KIF13B: variants seen among roughly 807,000 people sequenced by gnomAD.
KIF13B encodes kinesin-like protein KIF13B.
In KIF13B, 127 loss-of-function variants were observed where a neutral mutation model predicts 222.0. That is an observed-to-expected ratio of 0.57 (90% CI 0.50 to 0.66). The LOEUF (loss-of-function observed/expected upper bound fraction) is 0.66. KIF13B is among the 30% of genes least tolerant of loss of function. The pLI is 0.00. For synonymous variants in KIF13B, 976 were observed against 919.0 expected, an observed-to-expected ratio of 1.06 and a Z score of -1.12; for missense variants, 2,173 against 2,379.0, an observed-to-expected ratio of 0.91 and a Z score of 1.80.
chr8:29,215,333 G>A (rs1450592691), intron 2 of KIF13B, among the ~76,000 whole-genome samples: 1 of 152,118 alleles, frequency 6.6e-6, no homozygotes, highest in East Asian at 1.9e-4. Context: ...AACTGTCTTA[G>A]AGAAGAAAAA....
chr8:29,234,118 T>C (rs2925210), intron 2 of KIF13B, among the ~76,000 whole-genome samples: 34,323 of 151,946 alleles, frequency 0.23, 4,202 homozygotes, highest in African/African-American at 0.31. Context: ...AGTGCAGAGA[T>C]TGATGGTCTT....
Position 29,072,080 on chromosome 8 carries a change from C to G in KIF13B, c.4758G>C (p.Leu1586=), listed in dbSNP as rs1253504130. 3.7e-6 allele frequency: 5 copies of G among 1,333,612 alleles called. No homozygotes were observed. The highest frequency in any genetic ancestry group is 3.8e-6 in the Non-Finnish European group (4 of 1,040,218). 82.6% of individuals were successfully genotyped at this position (1,333,612 alleles called of 1,614,324 possible). The change falls in exon 39 of 40, where the codon CTG becomes CTC. Residue 1586 remains leucine, a synonymous_variant. Transcript: ENST00000524189. ...ATLSDALGPG[L]DAAAPPGSMP... Reference sequence around the variant, plus strand: ...TGGACCCCGGCGGGGCCGCAGCGTCCAGGCCGGGGCCCAGGGCGTCCGACA... The same window carrying G: ...TGGACCCCGGCGGGGCCGCAGCGTCGAGGCCGGGGCCCAGGGCGTCCGACA...
chr8:29,240,019 AAAAG>A (rs753507321), intron 2 of KIF13B, among the ~76,000 whole-genome samples: 120 of 151,870 alleles, frequency 7.9e-4, no homozygotes, highest in Middle Eastern at 6.8e-3. Context: ...AAAGAAAAAA[AAAAG>A]AAACACAAAA....
At chr8:29,188,368 T>C (rs1445841057) in intron 5 of KIF13B, 147 bp downstream of exon 5, 2 of 547,746 alleles carry the variant, frequency 3.7e-6, no homozygotes, top group Non-Finnish European at 6.4e-6. Flanking sequence ...TTTAAAATAA[T>C]GTTACTGACT....
rs1329181913 is a variant in KIF13B at position 29,071,916 on chromosome 8, G to A, written c.4922C>T (p.Ala1641Val). Residue 1641 changes from alanine (A) to valine (V), a missense_variant, in exon 39 of 40, where the codon GCG becomes GTG. Around this residue, in one of 2 missense-constraint regions of KIF13B, gnomAD observed 693 missense variants for 656.2 expected, o/e 1.06. Transcript: ENST00000524189. The surrounding 1 kb of genome is among the most constrained non-coding windows in gnomAD (Gnocchi z 4.9). ...CCGGACGCGGAACGGGGAGCCGGGCGCCGGGGCCTCGAGGTCGGGGCGCTC... is the reference window on the plus strand; with the variant it reads ...CCGGACGCGGAACGGGGAGCCGGGCACCGGGGCCTCGAGGTCGGGGCGCTC... ...GRERPDLEAP[A>V]PGSPFRVRRV... 117 of 1,443,030 alleles carry A rather than the reference G, an allele frequency of 8.1e-5. No individual in the cohort carries two copies. Among genetic ancestry groups the A allele is most frequent in the Non-Finnish European group, 9.9e-5 (110 of 1,110,540 alleles). 89.4% of individuals were successfully genotyped at this position (1,443,030 alleles called of 1,614,324 possible). A position where few individuals can be genotyped will look rare whatever the true frequency, so the allele number is the denominator to read the frequency against.
At chr8:29,116,704 C>T (rs997058849) in intron 31 of KIF13B, 127 bp downstream of exon 31, 1 of 783,528 alleles carries the variant, frequency 1.3e-6, no homozygotes. Context: ...CAGCAGCAGT[C>T]ACCTGGAAAA....
chr8:29,235,393 T>C (rs933737854), intron 2 of KIF13B, among the ~76,000 whole-genome samples: 3 of 152,184 alleles, frequency 2.0e-5, no homozygotes, highest in Non-Finnish European at 2.9e-5. Flanking sequence ...TGGAAGAAGA[T>C]AGCTCATCAG....
intron 29 of KIF13B, among the ~76,000 whole-genome samples, chr8:29,120,855 T>G (rs1260177524): frequency 1.4e-4 from 4 of 27,656 alleles, no homozygotes; most frequent in African/African-American, 5.8e-4. Context: ...TTTCCTGACT[T>G]TTTAATGATT....
At position 29,116,824 on chromosome 8, in the gene KIF13B, G is replaced by A; in HGVS notation, c.3837+7C>T. ...GGTTAGAGTCGTTTCTTCCACTGAAGACTAACCTGGCGGCCGTGAACATTG... is the reference window on the plus strand; with the variant it reads ...GGTTAGAGTCGTTTCTTCCACTGAAAACTAACCTGGCGGCCGTGAACATTG... On this transcript the variant is annotated splice_region_variant and intron_variant, in intron 31 of 39. Coordinates refer to ENST00000524189, the MANE Select transcript of KIF13B (RefSeq NM_015254.4). 2 of 1,422,014 alleles carry A rather than the reference G, an allele frequency of 1.4e-6. No individual in the cohort carries two copies. Among genetic ancestry groups the A allele is most frequent in the South Asian group, 1.2e-5 (1 of 86,348 alleles). 88.1% of individuals were successfully genotyped at this position (1,422,014 alleles called of 1,614,324 possible).
intron 27 of KIF13B, 146 bp from the exon 28 acceptor site, chr8:29,123,638 G>A: frequency 9.5e-7 from 1 of 1,049,314 alleles, no homozygotes; most frequent in South Asian, 1.5e-5. Context: ...AGCTAGAGAG[G>A]TCAGATGGGC....
At chr8:29,100,697 G>A (rs913128567) in intron 35 of KIF13B, among the ~76,000 whole-genome samples, 15 of 152,116 alleles carry the variant, frequency 9.9e-5, no homozygotes, top group African/African-American at 3.1e-4. Flanking sequence ...TGATCCGCCC[G>A]CCTCGGCCTC....
chr8:29,179,815 G>A (rs12056647), intron 8 of KIF13B, among the ~76,000 whole-genome samples: 77,874 of 151,916 alleles, frequency 0.51, 21,311 homozygotes, highest in Middle Eastern at 0.62. Context: ...GGTGTCCTCA[G>A]AGGTGTCACC....
Position 29,181,931 on chromosome 8 carries a change from G to A in KIF13B, c.573C>T (p.Val191=), listed in dbSNP as rs1401513241. ...AGGATGTTGTTACCTTGTAGCTTGT[G>A]ACAGCCAGTTTAGAAAGTCCGTCGA... ...PYVDGLSKLA[V]TSYKDIESLM... The change falls in exon 7 of 40, where the codon GTC becomes GTT. Residue 191 remains valine, a synonymous_variant. Transcript: ENST00000524189. The A allele has an allele frequency of 1.2e-6, 2 of 1,612,966 alleles. No individual in the cohort carries two copies. The highest frequency in any genetic ancestry group is 1.7e-5 in the Admixed American group (1 of 59,970).
Position 29,227,030 on chromosome 8 carries a change from C to G in KIF13B, c.149+18316G>C, listed in dbSNP as rs191708800. On this transcript the variant is annotated intron_variant, in intron 2 of 39. Coordinates refer to ENST00000524189, the MANE Select transcript of KIF13B (RefSeq NM_015254.4). ...TGGAAGGCAAAGTACTTTGAAATAG[C>G]TAAAGAAGGATGACCAATTACTCTT... is the stretch of plus-strand genomic sequence containing the variant. Among the ~76,000 whole-genome samples, 417 of 152,304 alleles carry G rather than the reference C, an allele frequency of 2.7e-3. 3 individuals are homozygous for G. The highest frequency in any genetic ancestry group is 9.6e-3 in the African/African-American group (399 of 41,568).
rs1414622433 is a variant in KIF13B at position 29,072,266 on chromosome 8, CG to C, written c.4571del (p.Pro1524ArgfsTer3). On this transcript the variant is annotated frameshift_variant, in exon 39 of 40. Coordinates refer to ENST00000524189, the MANE Select transcript of KIF13B (RefSeq NM_015254.4). LOFTEE classifies it high-confidence loss of function. ...PDVLVQTMGA[P>X]ALKICDKPAK... The stretch of plus-strand genomic sequence containing the variant: ...CAGGTTTGTCGCAGATCTTCAAGGC[CG>C]GGGCCCCCATCGTCTGCACCAGCAC... The C allele has an allele frequency of 8.2e-6, 12 of 1,472,372 alleles. No homozygotes were observed. Among genetic ancestry groups the C allele is most frequent in the South Asian group, 2.9e-5 (2 of 70,044 alleles). The allele number at this position is 1,472,372 out of a possible 1,614,324, so 91.2% of individuals were successfully genotyped here. A position where few individuals can be genotyped will look rare whatever the true frequency, so the allele number is the denominator to read the frequency against.
intron 2 of KIF13B, among the ~76,000 whole-genome samples, chr8:29,202,195 G>A (rs765246889): frequency 6.6e-6 from 1 of 152,200 alleles, no homozygotes; most frequent in Non-Finnish European, 1.5e-5. Context: ...AGGAAGACAG[G>A]CTGCCCAGCC....
At chr8:29,208,921 G>C (rs1814081381) in intron 2 of KIF13B, among the ~76,000 whole-genome samples, 1 of 152,136 alleles carries the variant, frequency 6.6e-6, no homozygotes, top group Admixed American at 6.5e-5. Flanking sequence ...ACGTGCCCCT[G>C]CCTGCCTCTG....
chr8:29,099,323 A>G, intron 35 of KIF13B, 82 bp from the exon 36 acceptor site: 1 of 900,974 alleles, frequency 1.1e-6, no homozygotes, highest in Non-Finnish European at 1.8e-6. Context: ...TCAAGAAAAA[A>G]AACTGTTATA....
intron 1 of KIF13B, among the ~76,000 whole-genome samples, chr8:29,256,421 C>T (rs1357936696): frequency 6.6e-6 from 1 of 152,226 alleles, no homozygotes; most frequent in East Asian, 1.9e-4. Flanking sequence ...CTTGTGCTGT[C>T]TTCTGTGCTG....
Sources: allele counts gnomAD v4.1 joint callset (sites outside exome capture counted in the v4.1 genomes callset), GRCh38; gene constraint gnomAD v4.1.1; regional missense constraint gnomAD v4.1.1; non-coding constraint Gnocchi (gnomAD v3.1); transcripts MANE v1.5; gene names NCBI Gene and HGNC (gene_info 2026-07-23, HGNC 2026-07-21).